The following SVIL variants were observed in gnomAD, a reference collection of about 807,000 sequenced individuals.
The protein encoded by SVIL is supervillin.
Under a neutral mutation model 240.4 loss-of-function variants are expected in SVIL, and 101 were observed. That is an observed-to-expected ratio of 0.42 (90% CI 0.36 to 0.50). The LOEUF (loss-of-function observed/expected upper bound fraction) is 0.50. Among genes scored for constraint, SVIL ranks in the 20% least tolerant of loss-of-function variants. SVIL has a pLI of 0.01. For missense variants in SVIL, 2,512 were observed against 2,818.7 expected, an observed-to-expected ratio of 0.89 and a Z score of 2.46; for synonymous variants, 999 against 1,100.0, an observed-to-expected ratio of 0.91 and a Z score of 1.82.
chr10:29,461,572 A>G (rs530867312), intron 36 of SVIL, among the ~76,000 whole-genome samples: 1 of 151,788 alleles, frequency 6.6e-6, no homozygotes, highest in East Asian at 1.9e-4. Context: ...TAAAAAACCT[A>G]TCTCTCACCA....
intron 1 of SVIL, among the ~76,000 whole-genome samples, chr10:29,596,196 C>T (rs1311650740): frequency 6.6e-6 from 1 of 152,162 alleles, no homozygotes; most frequent in Admixed American, 6.5e-5. Context: ...CCTGGATGGG[C>T]GCAGTGGCTC....
chr10:29,545,853 CAAAAAAA>C (rs755360700), intron 6 of SVIL, among the ~76,000 whole-genome samples: 29 of 63,596 alleles, frequency 4.6e-4, no homozygotes, highest in South Asian at 3.9e-3. Flanking sequence ...GACTCTGTCT[CAAAAAAA>C]AAAAAAAAAA....
At chr10:29,586,842 G>A (rs1481153835) in intron 1 of SVIL, among the ~76,000 whole-genome samples, 1 of 152,126 alleles carries the variant, frequency 6.6e-6, no homozygotes, top group Admixed American at 6.5e-5. Flanking sequence ...GCTAAATGAT[G>A]AGAACACATG....
intron 1 of SVIL, among the ~76,000 whole-genome samples, chr10:29,614,387 A>G (rs1169234508): frequency 1.3e-5 from 2 of 152,222 alleles, no homozygotes; most frequent in Admixed American, 1.3e-4. Flanking sequence ...CACTGTTCAC[A>G]ATAGCAAAGA....
At chr10:29,526,301 C>CTTTCTTTTTTTTTTTTTTTTTTTTTCTT (rs1950904683) in intron 13 of SVIL, among the ~76,000 whole-genome samples, 1 of 122,316 alleles carries the variant, frequency 8.2e-6, no homozygotes, top group Non-Finnish European at 1.8e-5. Context: ...CTTTTTTTCT[C>CTTTCTTTTTTTTTTTTTTTTTTTTTCTT]TTTCTTTTTT....
chr10:29,625,924 C>T (rs1403885526), intron 1 of SVIL, among the ~76,000 whole-genome samples: 3 of 152,088 alleles, frequency 2.0e-5, no homozygotes, highest in Non-Finnish European at 4.4e-5. Context: ...CTTTTTTCAG[C>T]TTTGAGGTAT....
chr10:29,488,378 G>C (rs1321288244), intron 23 of SVIL, among the ~76,000 whole-genome samples: 1 of 152,092 alleles, frequency 6.6e-6, no homozygotes, highest in African/African-American at 2.4e-5. Context: ...CTCCAGACAC[G>C]TTCCTGCCTC....
chr10:29,731,051 C>T (rs1388044516), intron 1 of SVIL, among the ~76,000 whole-genome samples: 1 of 152,168 alleles, frequency 6.6e-6, no homozygotes, highest in Admixed American at 6.5e-5. Flanking sequence ...CTTCCTGTAC[C>T]CAAGATTCTG....
chr10:29,723,344 C>T (rs1280684954), intron 1 of SVIL, among the ~76,000 whole-genome samples: 2 of 152,334 alleles, frequency 1.3e-5, no homozygotes, highest in Non-Finnish European at 1.5e-5. Context: ...CGTGCTATTG[C>T]ACTCTAGCCT....
chr10:29,566,586 G>A (rs1954982929), intron 2 of SVIL, among the ~76,000 whole-genome samples: 1 of 152,126 alleles, frequency 6.6e-6, no homozygotes, highest in African/African-American at 2.4e-5. Flanking sequence ...TCTACCCGAG[G>A]GCACCGATCA....
chr10:29,458,779 T>A, intron 36 of SVIL, 190 bp from the exon 37 acceptor site: 1 of 459,694 alleles, frequency 2.2e-6, no homozygotes, highest in Non-Finnish European at 3.6e-6. Flanking sequence ...TCTGGACTTT[T>A]AATTTTTAAA....
chr10:29,547,658 T>A (rs1209798126), intron 6 of SVIL, among the ~76,000 whole-genome samples: 2 of 152,248 alleles, frequency 1.3e-5, no homozygotes, highest in African/African-American at 2.4e-5. Context: ...AAATATGAAG[T>A]ATCCTGTCTT....
chr10:29,627,981 T>G (rs1421568423), intron 1 of SVIL, among the ~76,000 whole-genome samples: 1 of 152,244 alleles, frequency 6.6e-6, no homozygotes, highest in Non-Finnish European at 1.5e-5. Context: ...AAGCCTTTTT[T>G]TCTAACCTGG....
chr10:29,459,168 G>A (rs1943924465), intron 36 of SVIL, among the ~76,000 whole-genome samples: 3 of 152,078 alleles, frequency 2.0e-5, no homozygotes, highest in Admixed American at 2.0e-4. Context: ...GGAGGGCAGT[G>A]GCTCAATCAT....
intron 2 of SVIL, among the ~76,000 whole-genome samples, chr10:29,673,607 TA>T (rs1410791566): frequency 1.4e-4 from 17 of 125,530 alleles, no homozygotes; most frequent in East Asian, 2.6e-4. Flanking sequence ...GAGAGAGAGC[TA>T]GGGGGGAACT....
At chr10:29,668,634 C>G (rs560582742) in intron 2 of SVIL, among the ~76,000 whole-genome samples, 1 of 152,048 alleles carries the variant, frequency 6.6e-6, no homozygotes, top group Non-Finnish European at 1.5e-5. Context: ...CTACCACACC[C>G]GGCTAATTTT....
At chr10:29,713,714 C>T (rs564935498) in intron 1 of SVIL, among the ~76,000 whole-genome samples, 1 of 152,276 alleles carries the variant, frequency 6.6e-6, no homozygotes, top group Non-Finnish European at 1.5e-5. Flanking sequence ...GGGATTTGGC[C>T]TGCAGGCTGC....
chr10:29,603,236 C>T (rs1023132367), intron 1 of SVIL, among the ~76,000 whole-genome samples: 5 of 151,680 alleles, frequency 3.3e-5, no homozygotes, highest in African/African-American at 9.7e-5. Flanking sequence ...TGCCCTCCCC[C>T]CTCATCCTCG....
chr10:29,458,336 G>C lies in SVIL; in HGVS notation c.6559-3C>G, dbSNP rs746076067. On this transcript the variant is annotated splice_region_variant and splice_polypyrimidine_tract_variant and intron_variant, in intron 37 of 37. Transcript: ENST00000355867. ...TCCCTCGTCATGTCTAGTGCAAACT[G>C]GAAACATTGGGAGAAGCGCCCCGCG... is the stretch of plus-strand genomic sequence containing the variant. 1 of 1,614,136 alleles carries C rather than the reference G, an allele frequency of 6.2e-7. No individual in the cohort carries two copies. The highest frequency in any genetic ancestry group is 1.1e-5 in the South Asian group (1 of 91,070).
Sources: allele counts gnomAD v4.1 joint callset (sites outside exome capture counted in the v4.1 genomes callset), GRCh38; gene constraint gnomAD v4.1.1; transcripts MANE v1.5; gene names NCBI Gene and HGNC (gene_info 2026-07-23, HGNC 2026-07-21).